The following TSNARE1 variants were observed in gnomAD, a reference collection of about 807,000 sequenced individuals.
The protein encoded by TSNARE1 is t-SNARE domain-containing protein 1.
In TSNARE1, 49 loss-of-function variants were observed where a neutral mutation model predicts 62.0. The observed-to-expected ratio is 0.79, with a 90% CI of 0.63 to 1.00. The LOEUF (loss-of-function observed/expected upper bound fraction) is 1.00, where lower values mean the gene tolerates loss of function less well. TSNARE1 is among the 50% of genes least tolerant of loss of function. TSNARE1 has a pLI of 0.00. For synonymous variants in TSNARE1, 328 were observed against 294.4 expected (o/e 1.11, Z -1.17); for missense variants, 755 against 700.1 (o/e 1.08, Z -0.88).
intron 12 of TSNARE1, chr8:142,271,466 G>C: frequency 7.9e-7 from 1 of 1,271,380 alleles, no homozygotes; most frequent in Non-Finnish European, 9.9e-7. Context: ...GGTCCTCCTG[G>C]AGGGCAAGGG....
intron 10 of TSNARE1, among the ~76,000 whole-genome samples, chr8:142,296,792 C>T (rs1177190282): frequency 2.0e-5 from 3 of 151,984 alleles, no homozygotes; most frequent in Middle Eastern, 6.3e-3. Context: ...GGGTGGGTCT[C>T]GGCGGTCCCC....
At chr8:142,357,978 AGGGG>A (rs1834879438) in intron 1 of TSNARE1, among the ~76,000 whole-genome samples, 1 of 148,656 alleles carries the variant, frequency 6.7e-6, no homozygotes, top group African/African-American at 2.5e-5. Flanking sequence ...TTTCAGGACA[AGGGG>A]AGCAGCCAGC....
intron 11 of TSNARE1, chr8:142,275,091 G>A (rs999654852): frequency 1.0e-6 from 1 of 985,398 alleles, no homozygotes; most frequent in Non-Finnish European, 1.2e-6. Flanking sequence ...CAGGGAAGGG[G>A]ACTCCTCAGT....
chr8:142,372,783 C>T (rs961083580), intron 1 of TSNARE1, among the ~76,000 whole-genome samples: 1 of 152,080 alleles, frequency 6.6e-6, no homozygotes, highest in African/African-American at 2.4e-5. Context: ...CCAGCAGACT[C>T]CCCCAGGCCT....
Position 142,346,983 on chromosome 8 carries a change from GC to G in TSNARE1, c.89-1092del, listed in dbSNP as rs368593988. On this transcript the variant is annotated intron_variant, in intron 2 of 13. Coordinates refer to ENST00000524325, the MANE Select transcript of TSNARE1 (RefSeq NM_145003.5). ...CAAAGGCTACCTGGTCCATCCTCCT[GC>G]CCCCAGACAGCACTGCCCAAACCAC... Among the ~76,000 whole-genome samples, 915 of 152,304 alleles carry G rather than the reference GC, an allele frequency of 6.0e-3. 10 individuals carry two copies. Among genetic ancestry groups the G allele is most frequent in the African/African-American group, 0.021 (858 of 41,574 alleles).
chr8:142,292,554 CT>C (rs1271051198), intron 10 of TSNARE1, among the ~76,000 whole-genome samples: 1 of 152,180 alleles, frequency 6.6e-6, no homozygotes, highest in Non-Finnish European at 1.5e-5. Context: ...CCCACCGCCC[CT>C]GGAGAAGAGG....
chr8:142,270,763 T>C, intron 12 of TSNARE1: 5 of 985,428 alleles, frequency 5.1e-6, no homozygotes, highest in Non-Finnish European at 6.0e-6. Flanking sequence ...CCAGGGACGC[T>C]GGGCTGCAGA....
At chr8:142,358,485 C>T (rs569844415) in intron 1 of TSNARE1, among the ~76,000 whole-genome samples, 5 of 151,934 alleles carry the variant, frequency 3.3e-5, no homozygotes, top group African/African-American at 9.7e-5. Flanking sequence ...CCCTCTGCTC[C>T]GGCCAGGCAC....
chr8:142,334,232 C>T (rs1831450163), intron 4 of TSNARE1, among the ~76,000 whole-genome samples: 2 of 152,232 alleles, frequency 1.3e-5, no homozygotes, highest in African/African-American at 2.4e-5. Context: ...CTTTTGCTGT[C>T]CAAAATCTTC....
At chr8:142,337,112 A>G (rs1831857955) in intron 4 of TSNARE1, among the ~76,000 whole-genome samples, 1 of 152,256 alleles carries the variant, frequency 6.6e-6, no homozygotes, top group Admixed American at 6.5e-5. Flanking sequence ...AATAAAGGTG[A>G]GCAGAAACCA....
At chr8:142,305,971 C>T (rs1279902259) in intron 9 of TSNARE1, among the ~76,000 whole-genome samples, 1 of 152,158 alleles carries the variant, frequency 6.6e-6, no homozygotes, top group Non-Finnish European at 1.5e-5. Context: ...GGCCGGCGCT[C>T]AGGGCTCTCC....
At chr8:142,236,016 G>A (rs185836894) in intron 12 of TSNARE1, among the ~76,000 whole-genome samples, 3 of 152,314 alleles carry the variant, frequency 2.0e-5, no homozygotes, top group East Asian at 3.9e-4. Flanking sequence ...ATTAGCCCCA[G>A]GCTGTGCAGG....
At chr8:142,216,627 C>G (rs2129837993) in intron 13 of TSNARE1, among the ~76,000 whole-genome samples, 1 of 151,154 alleles carries the variant, frequency 6.6e-6, no homozygotes, top group African/African-American at 2.4e-5. Flanking sequence ...GGGCACAGGG[C>G]TCTGCCTCAC....
At chr8:142,307,900 C>T (rs887978960) in intron 9 of TSNARE1, among the ~76,000 whole-genome samples, 1 of 152,208 alleles carries the variant, frequency 6.6e-6, no homozygotes, top group African/African-American at 2.4e-5. Context: ...GAGGTTTTCA[C>T]TCATGTTTGC....
chr8:142,260,984 GGAGA>G (rs1563786614), intron 12 of TSNARE1, among the ~76,000 whole-genome samples: 4 of 51,974 alleles, frequency 7.7e-5, no homozygotes, highest in Non-Finnish European at 1.9e-4. Flanking sequence ...GAGGGAGGGA[GGAGA>G]GAGGGAGGGG....
intron 1 of TSNARE1, among the ~76,000 whole-genome samples, chr8:142,360,863 C>A (rs1381711294): frequency 6.6e-6 from 1 of 152,228 alleles, no homozygotes; most frequent in Non-Finnish European, 1.5e-5. Context: ...GTCCCCAACT[C>A]CTGGGCTGTG....
rs535060305 is a variant in TSNARE1, at chr8:142,359,013, C to T, written c.-39-4250G>A. On this transcript the variant is annotated intron_variant, in intron 1 of 13. Coordinates refer to ENST00000524325, the MANE Select transcript of TSNARE1 (RefSeq NM_145003.5). ...CCTGCCCCAGCCTCAGCTCTTGCTG[C>T]GCCCCTGCCCCACACCCTTGCTCAC... Among the ~76,000 whole-genome samples, 22 of 152,206 alleles carry T rather than the reference C, an allele frequency of 1.4e-4. No homozygotes were observed. In the South Asian group the frequency reaches 3.7e-3, roughly 26 times the overall value.
At chr8:142,280,827 T>G (rs933225930) in intron 11 of TSNARE1, among the ~76,000 whole-genome samples, 2 of 151,916 alleles carry the variant, frequency 1.3e-5, no homozygotes, top group Non-Finnish European at 1.5e-5. Context: ...GGAGGGGTCC[T>G]GGGGAGAGGA....
rs542494911 is a variant in TSNARE1 at position 142,241,755 on chromosome 8, A to G, written c.1447-12176T>C. On this transcript the variant is annotated intron_variant, in intron 12 of 13. Transcript: ENST00000524325. ...GTTGTCACCAATACGTCATGGGGAT[A>G]TGACAGTCTCTGCAACAAATGGTGC... Among the ~76,000 whole-genome samples the G allele has an allele frequency of 2.0e-5, 3 of 152,382 alleles. No homozygotes were observed. In the South Asian group the frequency reaches 6.2e-4, roughly 32 times the overall value.
Sources: gnomAD v4.1 joint callset for allele counts (sites outside exome capture counted in the v4.1 genomes callset) on GRCh38, gnomAD v4.1.1 for gene constraint, MANE v1.5 for transcripts, NCBI Gene and HGNC (gene_info 2026-07-23, HGNC 2026-07-21) for gene names.